Variants in KIRREL3 observed in about 807,000 individuals in gnomAD.
KIRREL3 encodes the protein kin of IRRE-like protein 3.
KIRREL3 carries 36 observed loss-of-function variants against 89.7 expected under a neutral mutation model. The observed-to-expected ratio is 0.40, with a 90% confidence interval of 0.31 to 0.53. The LOEUF (loss-of-function observed/expected upper bound fraction) is 0.53. Ranked by LOEUF, KIRREL3 falls within the 20% of genes least tolerant of loss-of-function variation. The pLI is 0.49. For missense variants in KIRREL3, 864 were observed against 1,056.6 expected (o/e 0.82, Z 2.53); for synonymous variants, 445 against 441.4 (o/e 1.01, Z -0.10).
chr11:126,972,774 T>A (rs543564902), intron 1 of KIRREL3, among the ~76,000 whole-genome samples: 6 of 152,274 alleles, frequency 3.9e-5, no homozygotes, highest in Admixed American at 3.9e-4. Context: ...ACACCTTCTC[T>A]TCCTTCCCTA....
At chr11:126,789,864 T>C (rs1018537471) in intron 1 of KIRREL3, among the ~76,000 whole-genome samples, 7 of 152,248 alleles carry the variant, frequency 4.6e-5, no homozygotes, top group African/African-American at 1.7e-4. Context: ...CTTTCTGGGC[T>C]GTACTCTCTT....
rs374617303 is a variant in KIRREL3 at position 126,522,933 on chromosome 11, G to T, written c.284-1469C>A. On this transcript the variant is annotated intron_variant, in intron 3 of 16. Coordinates refer to ENST00000525144, the MANE Select transcript of KIRREL3 (RefSeq NM_032531.4). The surrounding 1 kb of genome is among the most constrained non-coding windows in gnomAD (Gnocchi z 6.0). Reference sequence around the variant, plus strand: ...CGGGTGCTGTAGGAGGATGAGACGGGACACATTCAGCCTTTTAAAGAGAAG... The same window carrying T: ...CGGGTGCTGTAGGAGGATGAGACGGTACACATTCAGCCTTTTAAAGAGAAG... Among the ~76,000 whole-genome samples, 3 of 152,328 alleles carry T rather than the reference G, an allele frequency of 2.0e-5. No individual in the cohort carries two copies. Among genetic ancestry groups the T allele is most frequent in the Admixed American group, 6.5e-5 (1 of 15,302 alleles).
Position 126,431,236 on chromosome 11 carries a change from C to T in KIRREL3, c.1696+183G>A. ...CAACCTCAGCCTAGCGCCCACTCTG[C>T]CAGGCGCCATGTTGCCCAGGCTCAC... On this transcript the variant is annotated intron_variant, in intron 14 of 16. Coordinates refer to ENST00000525144, the MANE Select transcript of KIRREL3 (RefSeq NM_032531.4). This position sits in a 1 kb window ranked among gnomAD's most constrained non-coding sequence, Gnocchi z 7.1. 4 of 1,518,730 alleles carry T rather than the reference C, an allele frequency of 2.6e-6. No individual in the cohort carries two copies. Among genetic ancestry groups the T allele is most frequent in the Non-Finnish European group, 3.5e-6 (4 of 1,127,250 alleles). 94.1% of individuals were successfully genotyped at this position (1,518,730 alleles called of 1,614,324 possible). A position where few individuals can be genotyped will look rare whatever the true frequency, so the allele number is the denominator to read the frequency against.
upstream of KIRREL3, chr11:127,001,238 G>C (rs773917959): frequency 1.3e-5 from 2 of 150,430 alleles, no homozygotes; most frequent in Admixed American, 6.6e-5. Flanking sequence ...TGTGCAGCGG[G>C]AGGCTCGGAG....
chr11:126,947,048 A>C (rs1466345846), intron 1 of KIRREL3, among the ~76,000 whole-genome samples: 1 of 152,060 alleles, frequency 6.6e-6, no homozygotes, highest in Admixed American at 6.5e-5. Flanking sequence ...TGCCTACATC[A>C]GCTTGGTTTT....
At position 126,990,243 on chromosome 11, in the gene KIRREL3, A is replaced by G. The variant is rs1949991895; in HGVS notation, c.55+10212T>C. The stretch of plus-strand genomic sequence containing the variant: ...GAGCTTCCTCGCTCCCTCTCTTTGA[A>G]GCTCTCTCAAGCCCCTCTGAGCATT... On this transcript the variant is annotated intron_variant, in intron 1 of 16. Transcript: ENST00000525144. This position sits in a 1 kb window ranked among gnomAD's most constrained non-coding sequence, Gnocchi z 6.3. 6.6e-6 allele frequency among the ~76,000 whole-genome samples: 1 copy of G among 152,074 alleles called. No individual in the cohort carries two copies. The highest frequency in any genetic ancestry group is 1.5e-5 in the Non-Finnish European group (1 of 67,992).
Position 126,566,083 on chromosome 11 carries a change from T to C in KIRREL3, c.56-3171A>G, listed in dbSNP as rs1443183809. Reference sequence around the variant, plus strand: ...TTCTCCAAGTAGGCTTTGGGGGTGCTGTCTTTGGCTTTATCAGTAGCAGAA... The same window carrying C: ...TTCTCCAAGTAGGCTTTGGGGGTGCCGTCTTTGGCTTTATCAGTAGCAGAA... On this transcript the variant is annotated intron_variant, in intron 1 of 16. Coordinates refer to ENST00000525144, the MANE Select transcript of KIRREL3 (RefSeq NM_032531.4). This position sits in a 1 kb window ranked among gnomAD's most constrained non-coding sequence, Gnocchi z 4.9. Among the ~76,000 whole-genome samples, 1 of 152,132 alleles carries C rather than the reference T, an allele frequency of 6.6e-6. No individual in the cohort carries two copies. Among genetic ancestry groups the C allele is most frequent in the African/African-American group, 2.4e-5 (1 of 41,418 alleles).
chr11:126,783,107 T>G lies in KIRREL3; in HGVS notation c.55+217348A>C, dbSNP rs1950378062. ...GCAACAGAAATTTATTCTCTCACAG[T>G]TCCGGAGAATGCACGTTTAAAAATT... On this transcript the variant is annotated intron_variant, in intron 1 of 16. Transcript: ENST00000525144. The surrounding 1 kb of genome is among the most constrained non-coding windows in gnomAD (Gnocchi z 4.3). Among the ~76,000 whole-genome samples the G allele has an allele frequency of 6.6e-6, 1 of 152,206 alleles. No individual in the cohort carries two copies. Among genetic ancestry groups the G allele is most frequent in the Non-Finnish European group, 1.5e-5 (1 of 68,028 alleles).
chr11:126,489,229 C>G lies in KIRREL3; in HGVS notation c.434-15763G>C, dbSNP rs57306031. Among the ~76,000 whole-genome samples, 2 of 152,046 alleles carry G rather than the reference C, an allele frequency of 1.3e-5. No homozygotes were observed. The highest frequency in any genetic ancestry group is 4.8e-5 in the African/African-American group (2 of 41,352). On this transcript the variant is annotated intron_variant, in intron 4 of 16. Transcript: ENST00000525144. The surrounding 1 kb of genome is among the most constrained non-coding windows in gnomAD (Gnocchi z 5.5). ...GCATGGGAATCACTGCTGGCTGGAC[C>G]CGGGTGCCTGGCTCGATGGGAGCTT...
At chr11:126,949,235 C>T (rs1189831248) in intron 1 of KIRREL3, among the ~76,000 whole-genome samples, 2 of 152,138 alleles carry the variant, frequency 1.3e-5, no homozygotes, top group East Asian at 1.9e-4. Context: ...ACAGAAGCAG[C>T]GCATGAGATC....
chr11:126,508,545 G>A lies in KIRREL3; in HGVS notation c.433+12770C>T, dbSNP rs930376726. 5.9e-5 allele frequency among the ~76,000 whole-genome samples: 9 copies of A among 152,166 alleles called. No homozygotes were observed. The highest frequency in any genetic ancestry group is 1.3e-4 in the Admixed American group (2 of 15,282). ...TCCATGAGCCCTGGGATGGTGGAAG[G>A]GTTCAAGCAGGGCTCCTGGAGTTCC... On this transcript the variant is annotated intron_variant, in intron 4 of 16. Coordinates refer to ENST00000525144, the MANE Select transcript of KIRREL3 (RefSeq NM_032531.4). The surrounding 1 kb of genome is among the most constrained non-coding windows in gnomAD (Gnocchi z 4.9).
Position 126,569,232 on chromosome 11 carries a change from C to A in KIRREL3, c.56-6320G>T, listed in dbSNP as rs1940749015. On this transcript the variant is annotated intron_variant, in intron 1 of 16. Transcript: ENST00000525144. The surrounding 1 kb of genome is among the most constrained non-coding windows in gnomAD (Gnocchi z 6.5). ...AGTCACAGGTGATAATGGTACATTT[C>A]TGGACTTACTGTGTTCGAGGTGACA... Among the ~76,000 whole-genome samples, 1 of 152,192 alleles carries A rather than the reference C, an allele frequency of 6.6e-6. No individual in the cohort carries two copies. Among genetic ancestry groups the A allele is most frequent in the South Asian group, 2.1e-4 (1 of 4,824 alleles).
In KIRREL3 at chr11:126,664,649, G is replaced by A. The variant is rs541824500; in HGVS notation, c.56-101737C>T. Among the ~76,000 whole-genome samples, 31 of 152,330 alleles carry A rather than the reference G, an allele frequency of 2.0e-4. No homozygotes were observed. Among genetic ancestry groups the A allele is most frequent in the African/African-American group, 7.0e-4 (29 of 41,576 alleles). On this transcript the variant is annotated intron_variant, in intron 1 of 16. Transcript: ENST00000525144. The surrounding 1 kb of genome is among the most constrained non-coding windows in gnomAD (Gnocchi z 5.4). ...CAGCTCCGATGTGCCCTTCCTGCAT[G>A]CCAAAGCCAGTTCTCTCTTGGAGAT... is the stretch of plus-strand genomic sequence containing the variant.
chr11:126,733,491 T>C (rs551414518), intron 1 of KIRREL3, among the ~76,000 whole-genome samples: 1 of 152,166 alleles, frequency 6.6e-6, no homozygotes, highest in East Asian at 1.9e-4. Context: ...TCCTTCTTTC[T>C]CTGAGCTGTC....
rs138054556 is a variant in KIRREL3 at position 126,812,885 on chromosome 11, C to G, written c.55+187570G>C. Among the ~76,000 whole-genome samples, 5 of 152,162 alleles carry G rather than the reference C, an allele frequency of 3.3e-5. No individual in the cohort carries two copies. The highest frequency in any genetic ancestry group is 1.2e-4 in the African/African-American group (5 of 41,434). On this transcript the variant is annotated intron_variant, in intron 1 of 16. Coordinates refer to ENST00000525144, the MANE Select transcript of KIRREL3 (RefSeq NM_032531.4). The surrounding 1 kb of genome is among the most constrained non-coding windows in gnomAD (Gnocchi z 5.2). Reference sequence around the variant, plus strand: ...AAAGGAAGTGGCCTACGGGAATCTGCGCACCTCTGCTGTGACCGGGAAGCT... The same window carrying G: ...AAAGGAAGTGGCCTACGGGAATCTGGGCACCTCTGCTGTGACCGGGAAGCT...
In KIRREL3 at chr11:126,607,357, T is replaced by G. The variant is rs1418930996; in HGVS notation, c.56-44445A>C. 6.6e-6 allele frequency among the ~76,000 whole-genome samples: 1 copy of G among 152,076 alleles called. No individual in the cohort carries two copies. ...TCTTATGGCTGGGGCTGCTTTCTAA[T>G]GTGAATATGAGTACTCTTGGCTGGG... On this transcript the variant is annotated intron_variant, in intron 1 of 16. Coordinates refer to ENST00000525144, the MANE Select transcript of KIRREL3 (RefSeq NM_032531.4). The surrounding 1 kb of genome is among the most constrained non-coding windows in gnomAD (Gnocchi z 6.6).
chr11:126,428,382 A>AG lies in KIRREL3; in HGVS notation c.1806+796dup, dbSNP rs1955014170. 6.6e-6 allele frequency among the ~76,000 whole-genome samples: 1 copy of AG among 152,144 alleles called. No individual in the cohort carries two copies. ...CCCATAAATGGGGATTCGGAAGAGG[A>AG]GGAGCAGGCTTGATGTGCCTGGAGA... is the stretch of plus-strand genomic sequence containing the variant. On this transcript the variant is annotated intron_variant, in intron 15 of 16. Coordinates refer to ENST00000525144, the MANE Select transcript of KIRREL3 (RefSeq NM_032531.4). The surrounding 1 kb of genome is among the most constrained non-coding windows in gnomAD (Gnocchi z 6.4).
At position 126,853,054 on chromosome 11, in the gene KIRREL3, G is replaced by A. The variant is rs1389443270; in HGVS notation, c.55+147401C>T. On this transcript the variant is annotated intron_variant, in intron 1 of 16. Coordinates refer to ENST00000525144, the MANE Select transcript of KIRREL3 (RefSeq NM_032531.4). ...TCATGTAACTTAAGTTTTTTGTGTC[G>A]TGCAAGTTTTTTTGTGTTGTTGCTT... is the stretch of plus-strand genomic sequence containing the variant. 5.3e-5 allele frequency among the ~76,000 whole-genome samples: 8 copies of A among 152,046 alleles called. No individual in the cohort carries two copies. The East Asian group carries it at 7.7e-4, about 15-fold the overall frequency.
rs976172017 is a variant in KIRREL3 at position 126,754,115 on chromosome 11, C to T, written c.56-191203G>A. On this transcript the variant is annotated intron_variant, in intron 1 of 16. Transcript: ENST00000525144. This position sits in a 1 kb window ranked among gnomAD's most constrained non-coding sequence, Gnocchi z 5.1. ...TCTGTTTTCCCTGGAAACTGCATAA[C>T]CATTTGAATTAATTTAATTTGAAAT... 1.3e-5 allele frequency among the ~76,000 whole-genome samples: 2 copies of T among 152,086 alleles called. No homozygotes were observed. Among genetic ancestry groups the T allele is most frequent in the African/African-American group, 4.8e-5 (2 of 41,402 alleles).
Sources: allele counts gnomAD v4.1 joint callset (sites outside exome capture counted in the v4.1 genomes callset), GRCh38; gene constraint gnomAD v4.1.1; non-coding constraint Gnocchi (gnomAD v3.1); transcripts MANE v1.5; gene names NCBI Gene and HGNC (gene_info 2026-07-23, HGNC 2026-07-21).